FOXP2: variants seen among roughly 807,000 people sequenced by gnomAD.
The protein encoded by FOXP2 is forkhead box P2.
A neutral mutation model predicts 115.8 loss-of-function variants in FOXP2; 12 were observed. The observed-to-expected ratio is 0.10, with a 90% confidence interval of 0.07 to 0.17. The LOEUF (loss-of-function observed/expected upper bound fraction) is 0.17, where lower values mean the gene tolerates loss of function less well. Among genes scored for constraint, FOXP2 ranks in the 10% least tolerant of loss-of-function variants. The probability of loss-of-function intolerance (pLI) is 1.00; values close to 1 mark genes in which losing one functional copy is unlikely to be tolerated. For synonymous variants in FOXP2, 328 were observed against 297.7 expected, an observed-to-expected ratio of 1.10 and a Z score of -1.05; for missense variants, 629 against 843.5, an observed-to-expected ratio of 0.75 and a Z score of 3.15.
rs200977127 is a variant in FOXP2 at position 114,332,233 on chromosome 7, TG to T, written c.-11+44125del. 9.4e-3 allele frequency among the ~76,000 whole-genome samples: 1,438 copies of T among 152,240 alleles called. 24 individuals carry two copies. Among genetic ancestry groups the T allele is most frequent in the African/African-American group, 0.033 (1,371 of 41,532 alleles). On this transcript the variant is annotated intron_variant, in intron 2 of 17. Transcript: ENST00000634411. ...AAATATGGACACGTGCAGCTTTTAT[TG>T]TTATTTAAATAATTTGGTTGACAAA...
chr7:114,566,423 G>C (rs976700131), intron 3 of FOXP2, among the ~76,000 whole-genome samples: 3 of 151,950 alleles, frequency 2.0e-5, no homozygotes, highest in Non-Finnish European at 4.4e-5. Context: ...CCATCCTTGT[G>C]ATGGTGAGTG....
chr7:114,265,848 G>A (rs1795880865), intron 1 of FOXP2, among the ~76,000 whole-genome samples: 1 of 152,138 alleles, frequency 6.6e-6, no homozygotes, highest in Non-Finnish European at 1.5e-5. Context: ...CTTAATGGCA[G>A]CAGCCCAAGC....
chr7:114,208,234 C>T (rs534307430), intron 1 of FOXP2, among the ~76,000 whole-genome samples: 42 of 152,278 alleles, frequency 2.8e-4, no homozygotes, highest in South Asian at 8.3e-4. Context: ...CCTGGATGTG[C>T]GACCTGGAGT....
intron 10 of FOXP2, among the ~76,000 whole-genome samples, chr7:114,655,580 G>C (rs1359983984): frequency 5.3e-5 from 8 of 151,962 alleles, no homozygotes; most frequent in Non-Finnish European, 2.9e-5. Context: ...AAGAAGAGTG[G>C]TCAATACTCA....
intron 2 of FOXP2, among the ~76,000 whole-genome samples, chr7:114,336,763 C>A (rs1797863128): frequency 6.6e-6 from 1 of 151,382 alleles, no homozygotes; most frequent in Non-Finnish European, 1.5e-5. Flanking sequence ...ATATACACTA[C>A]AATAATCTGT....
At chr7:114,570,384 C>A (rs1331616218) in intron 3 of FOXP2, among the ~76,000 whole-genome samples, 1 of 151,770 alleles carries the variant, frequency 6.6e-6, no homozygotes, top group Non-Finnish European at 1.5e-5. Context: ...GTACTGGTTA[C>A]AATTGATTAC....
intron 2 of FOXP2, among the ~76,000 whole-genome samples, chr7:114,366,353 C>T (rs1399554876): frequency 6.6e-6 from 1 of 152,134 alleles, no homozygotes; most frequent in African/African-American, 2.4e-5. Flanking sequence ...GTGTTCTAAT[C>T]ATAGAGTAAA....
Position 114,181,096 on chromosome 7 carries a change from C to T in FOXP2, c.-102+18008C>T, listed in dbSNP as rs374679836. Reference sequence around the variant, plus strand: ...TTCTGACTTTTCTTTCTTACTCCACCTATGCTGGTTTAATTTAATTAATTG... The same window carrying T: ...TTCTGACTTTTCTTTCTTACTCCACTTATGCTGGTTTAATTTAATTAATTG... On this transcript the variant is annotated intron_variant, in intron 1 of 17. Coordinates refer to the FOXP2 transcript ENST00000634411. 1.4e-4 allele frequency among the ~76,000 whole-genome samples: 22 copies of T among 151,772 alleles called. No individual in the cohort carries two copies. In the East Asian group the frequency reaches 4.1e-3, roughly 28 times the overall value.
chr7:114,512,380 C>A (rs1211719689), intron 2 of FOXP2, among the ~76,000 whole-genome samples: 1 of 152,090 alleles, frequency 6.6e-6, no homozygotes, highest in Non-Finnish European at 1.5e-5. Flanking sequence ...CATACGAATT[C>A]TCAAAAGCTT....
At chr7:114,166,933 G>A (rs1418754206) in intron 1 of FOXP2, among the ~76,000 whole-genome samples, 2 of 152,186 alleles carry the variant, frequency 1.3e-5, no homozygotes, top group African/African-American at 4.8e-5. Context: ...AAATGATGGT[G>A]AGGATGTGGA....
At chr7:114,197,778 A>T (rs981420699) in intron 1 of FOXP2, among the ~76,000 whole-genome samples, 1 of 152,142 alleles carries the variant, frequency 6.6e-6, no homozygotes, top group African/African-American at 2.4e-5. Context: ...TGTGTCATGA[A>T]TGTTTGGGAA....
At chr7:114,472,341 A>C (rs972381925) in intron 2 of FOXP2, among the ~76,000 whole-genome samples, 4 of 151,702 alleles carry the variant, frequency 2.6e-5, no homozygotes, top group Non-Finnish European at 4.4e-5. Context: ...CTGTTTTATA[A>C]ATTCTTTTTT....
chr7:114,444,245 G>A (rs1003899875), intron 2 of FOXP2, among the ~76,000 whole-genome samples: 8 of 151,976 alleles, frequency 5.3e-5, no homozygotes, highest in South Asian at 2.1e-4. Flanking sequence ...CTTGACTCTC[G>A]GTTTCCACAG....
chr7:114,669,035 A>G (rs1807342739), intron 16 of FOXP2: 1 of 152,030 alleles, frequency 6.6e-6, no homozygotes, highest in African/African-American at 2.4e-5. Flanking sequence ...GGTAGACTAT[A>G]CTTTTTAAGT....
intron 2 of FOXP2, among the ~76,000 whole-genome samples, chr7:114,477,477 A>G (rs890512283): frequency 4.0e-5 from 6 of 151,886 alleles, no homozygotes; most frequent in African/African-American, 1.4e-4. Context: ...ACATACAGAC[A>G]CTGGGGACTA....
intron 2 of FOXP2, among the ~76,000 whole-genome samples, chr7:114,470,734 C>T (rs1029139436): frequency 6.6e-6 from 1 of 152,122 alleles, no homozygotes; most frequent in African/African-American, 2.4e-5. Flanking sequence ...ATACCCAACA[C>T]ATTTTGTCGT....
chr7:114,481,369 C>T (rs1253303343), intron 2 of FOXP2, among the ~76,000 whole-genome samples: 6 of 151,186 alleles, frequency 4.0e-5, no homozygotes, highest in Admixed American at 6.6e-5. Flanking sequence ...TAAATCTATA[C>T]TTAAACCTAG....
intron 2 of FOXP2, among the ~76,000 whole-genome samples, chr7:114,431,064 T>C (rs1046338135): frequency 6.6e-6 from 1 of 151,918 alleles, no homozygotes; most frequent in African/African-American, 2.4e-5. Context: ...TACAGTGCAT[T>C]CTTAAGTTCC....
In FOXP2 at chr7:114,484,216, A is replaced by T. The variant is rs181619667; in HGVS notation, c.169-50401A>T. Among the ~76,000 whole-genome samples, 679 of 151,734 alleles carry T rather than the reference A, an allele frequency of 4.5e-3. 8 individuals carry two copies. The highest frequency in any genetic ancestry group is 0.015 in the African/African-American group (638 of 41,476). On this transcript the variant is annotated intron_variant, in intron 2 of 16. Transcript: ENST00000350908. The stretch of plus-strand genomic sequence containing the variant: ...CAGTGACATTTTTTAAGTGTAGATT[A>T]GAATTCTCTGTGATAATCTAATTGT...
Sources: allele counts gnomAD v4.1 joint callset (sites outside exome capture counted in the v4.1 genomes callset), GRCh38; gene constraint gnomAD v4.1.1; transcripts MANE v1.5; gene names NCBI Gene and HGNC (gene_info 2026-07-23, HGNC 2026-07-21).